The following NFAT5 variants were observed in gnomAD, a reference collection of about 807,000 sequenced individuals.
The protein encoded by NFAT5 is nuclear factor of activated T-cells 5.
A neutral mutation model predicts 166.5 loss-of-function variants in NFAT5; 31 were observed. The observed-to-expected ratio is 0.19, with a 90% confidence interval of 0.14 to 0.25. The LOEUF (loss-of-function observed/expected upper bound fraction) is 0.25. Among genes scored for constraint, NFAT5 ranks in the 10% least tolerant of loss-of-function variants. NFAT5 has a pLI of 1.00. For missense variants in NFAT5, 1,449 were observed against 1,821.8 expected, an observed-to-expected ratio of 0.80 and a Z score of 3.72; for synonymous variants, 612 against 639.7, an observed-to-expected ratio of 0.96 and a Z score of 0.65.
rs1480660760 is a variant in NFAT5 at position 69,703,454 on chromosome 16, C to T, written c.*7103C>T. 1.3e-5 allele frequency: 2 copies of T among 152,562 alleles called. No individual in the cohort carries two copies. The highest frequency in any genetic ancestry group is 3.8e-4 in the East Asian group (2 of 5,202). The allele number at this position is 152,562 out of a possible 1,614,324, so 9.5% of individuals were successfully genotyped here. On this transcript the variant is annotated 3_prime_UTR_variant, in exon 15 of 15. Transcript: ENST00000349945. ...TGCATCATGGTAAATATAAACTAAC[C>T]ACAAGATAGGTAGATTGATTCATTT...
Position 69,659,041 on chromosome 16 carries a change from G to A in NFAT5, c.1197-686G>A, listed in dbSNP as rs537832347. Among the ~76,000 whole-genome samples, 13 of 151,876 alleles carry A rather than the reference G, an allele frequency of 8.6e-5. No individual in the cohort carries two copies. The South Asian group carries it at 2.1e-3, about 24-fold the overall frequency. On this transcript the variant is annotated intron_variant, in intron 6 of 14. Transcript: ENST00000349945. ...GTGGCTATTATTCTATCCTTCTGGA[G>A]GCAGCTACTAATTTTTTAAAAGTAA...
chr16:69,667,962 G>T (rs887739537), intron 7 of NFAT5, among the ~76,000 whole-genome samples: 1 of 151,570 alleles, frequency 6.6e-6, no homozygotes, highest in Non-Finnish European at 1.5e-5. Flanking sequence ...TTGTTTTTTT[G>T]TTTTTTGTTT....
At chr16:69,650,649 A>G (rs1413821944) in intron 4 of NFAT5, among the ~76,000 whole-genome samples, 1 of 152,164 alleles carries the variant, frequency 6.6e-6, no homozygotes. Flanking sequence ...GATATGCTCT[A>G]TGAATTTTCC....
At chr16:69,683,965 GGT>G (rs1226338451) in intron 10 of NFAT5, among the ~76,000 whole-genome samples, 1 of 152,056 alleles carries the variant, frequency 6.6e-6, no homozygotes, top group Non-Finnish European at 1.5e-5. Context: ...CAGGTATGAT[GGT>G]GTGCGCCTGT....
At chr16:69,626,850 T>A (rs2034481128) in intron 3 of NFAT5, among the ~76,000 whole-genome samples, 1 of 152,168 alleles carries the variant, frequency 6.6e-6, no homozygotes, top group Non-Finnish European at 1.5e-5. Context: ...TAGAAAATTA[T>A]ATTTGAGTTT....
chr16:69,580,764 T>C (rs2031625523), intron 2 of NFAT5, among the ~76,000 whole-genome samples: 1 of 152,008 alleles, frequency 6.6e-6, no homozygotes, highest in Admixed American at 6.5e-5. Flanking sequence ...CACGCCATTC[T>C]CCGGCCTCAG....
At chr16:69,680,623 A>G (rs1203249468) in intron 10 of NFAT5, among the ~76,000 whole-genome samples, 2 of 152,200 alleles carry the variant, frequency 1.3e-5, no homozygotes, top group Admixed American at 6.5e-5. Context: ...ACAGATAGCA[A>G]TCACTCTTAG....
At chr16:69,662,501 G>GT (rs2036193756) in intron 7 of NFAT5, among the ~76,000 whole-genome samples, 1 of 136,158 alleles carries the variant, frequency 7.3e-6, no homozygotes, top group Non-Finnish European at 1.5e-5. Context: ...CTGTTGCCCA[G>GT]GCTGAAGTGC....
intron 2 of NFAT5, among the ~76,000 whole-genome samples, chr16:69,600,835 T>A (rs1020875611): frequency 2.3e-4 from 34 of 148,138 alleles, no homozygotes; most frequent in Admixed American, 8.1e-4. Context: ...TGGTCCACAA[T>A]TTTGATTTTT....
intron 9 of NFAT5, among the ~76,000 whole-genome samples, chr16:69,675,317 G>A (rs1438319159): frequency 6.6e-6 from 1 of 152,162 alleles, no homozygotes; most frequent in Non-Finnish European, 1.5e-5. Flanking sequence ...TTTTAAGAGT[G>A]AGAGCTCTCA....
chr16:69,669,857 A>G (rs926035248), intron 7 of NFAT5, 120 bp from the exon 8 acceptor site: 1 of 837,862 alleles, frequency 1.2e-6, no homozygotes, highest in African/African-American at 1.8e-5. Context: ...TAACTATAAA[A>G]ATATTTATTA....
rs1292086709 is a variant in NFAT5, at chr16:69,669,958, T to C, written c.1370-19T>C. The C allele has an allele frequency of 6.5e-7, 1 of 1,545,208 alleles. No individual in the cohort carries two copies. The highest frequency in any genetic ancestry group is 2.4e-5 in the East Asian group (1 of 42,056). ...AGTTTTGGTGGTTCTTCTTATAGAA[T>C]GCTTATGTATCTCCACAGCTCAGCC... On this transcript the variant is annotated intron_variant, in intron 7 of 14. Coordinates refer to ENST00000349945, the MANE Select transcript of NFAT5 (RefSeq NM_138713.4).
rs1215062941 is a variant in NFAT5, at chr16:69,608,101, T to TTGG, written c.128-18302_128-18301insTGG. Among the ~76,000 whole-genome samples, 211 of 152,178 alleles carry TTGG rather than the reference T, an allele frequency of 1.4e-3. 1 individual carries two copies. Among genetic ancestry groups the TTGG allele is most frequent in the African/African-American group, 4.1e-3 (172 of 41,522 alleles). On this transcript the variant is annotated intron_variant, in intron 2 of 14. Coordinates refer to ENST00000349945, the MANE Select transcript of NFAT5 (RefSeq NM_138713.4). Reference sequence around the variant, plus strand: ...CGGTCACGGTGGCTCACGCCTGTAATCCCAGCACTTTGGGAGGCCAAAGTG... The same window carrying TTGG: ...CGGTCACGGTGGCTCACGCCTGTAATTGGCCCAGCACTTTGGGAGGCCAAAGTG...
intron 2 of NFAT5, among the ~76,000 whole-genome samples, chr16:69,606,357 T>C (rs2033409830): frequency 6.6e-6 from 1 of 152,184 alleles, no homozygotes; most frequent in Non-Finnish European, 1.5e-5. Context: ...GAGAGTACAC[T>C]AAAGGAGGCA....
rs371948858 is a variant in NFAT5 at position 69,568,334 on chromosome 16, G to GTATATA, written c.74-153_74-148dup. 3.9e-4 allele frequency among the ~76,000 whole-genome samples: 52 copies of GTATATA among 133,416 alleles called. No individual in the cohort carries two copies. The East Asian group carries it at 4.3e-3, about 11-fold the overall frequency. The allele number at this position is 133,416 out of a possible 152,430, so 87.5% of individuals were successfully genotyped here. ...AAACTCCGTTTCAAAATGTATGTGT[G>GTATATA]TATATATATATATGTGTGTGTGTGT... On this transcript the variant is annotated intron_variant, in intron 1 of 14. Coordinates refer to ENST00000349945, the MANE Select transcript of NFAT5 (RefSeq NM_138713.4).
intron 4 of NFAT5, chr16:69,648,275 C>A (rs892998468): frequency 3.0e-6 from 3 of 984,020 alleles, no homozygotes; most frequent in African/African-American, 1.8e-5. Flanking sequence ...TGTTCTCTTT[C>A]CAATTGTGTC....
At chr16:69,601,862 A>G (rs927522992) in intron 2 of NFAT5, among the ~76,000 whole-genome samples, 31 of 152,154 alleles carry the variant, frequency 2.0e-4, no homozygotes, top group African/African-American at 7.5e-4. Flanking sequence ...TTCTGCTGTC[A>G]TGTTTCAAGG....
At chr16:69,676,067 A>G (rs747738020) in intron 9 of NFAT5, among the ~76,000 whole-genome samples, 3 of 152,216 alleles carry the variant, frequency 2.0e-5, no homozygotes, top group Non-Finnish European at 4.4e-5. Flanking sequence ...TATTCAACTG[A>G]GTCAACGAAC....
chr16:69,649,632 TAAC>T (rs2151626157), intron 4 of NFAT5: 2 of 792,720 alleles, frequency 2.5e-6, no homozygotes, highest in Non-Finnish European at 3.1e-6. Context: ...TTGGAATTTA[TAAC>T]AACTATATTG....
Sources: gnomAD v4.1 joint callset for allele counts (sites outside exome capture counted in the v4.1 genomes callset) on GRCh38, gnomAD v4.1.1 for gene constraint, MANE v1.5 for transcripts, NCBI Gene and HGNC (gene_info 2026-07-23, HGNC 2026-07-21) for gene names.